Variants in BDNF observed in about 807,000 individuals in gnomAD.
BDNF encodes neurotrophic factor BDNF precursor form.
A neutral mutation model predicts 19.5 loss-of-function variants in BDNF; 1 was observed. The observed-to-expected ratio is 0.05, with a 90% CI of 0.02 to 0.24. BDNF has a LOEUF of 0.24. Among genes scored for constraint, BDNF ranks in the 10% least tolerant of loss-of-function variants. The pLI is 1.00. For missense variants in BDNF, 195 were observed against 317.6 expected, an observed-to-expected ratio of 0.61 and a Z score of 2.93; for synonymous variants, 100 against 121.6, an observed-to-expected ratio of 0.82 and a Z score of 1.17.
chr11:27,721,713 T>G, exon 1 of BDNF: 1 of 507,438 alleles, frequency 2.0e-6, no homozygotes, highest in Admixed American at 3.3e-5. Context: ...AGTTCTTACG[T>G]GATTCTAATG....
At chr11:27,674,158 C>T (rs1227278311) in intron 1 of BDNF, 2 of 1,611,272 alleles carry the variant, frequency 1.2e-6, no homozygotes, top group Non-Finnish European at 8.5e-7. Flanking sequence ...TCATGCCATA[C>T]AGAAGCGTGT....
At chr11:27,707,467 T>C (rs180853693) in intron 1 of BDNF, among the ~76,000 whole-genome samples, 5 of 152,316 alleles carry the variant, frequency 3.3e-5, no homozygotes, top group Admixed American at 3.3e-4. Context: ...AGGAGAATGT[T>C]TACTTCCTCT....
At chr11:27,668,329 AT>A (rs1240890646) in intron 1 of BDNF, among the ~76,000 whole-genome samples, 2 of 152,232 alleles carry the variant, frequency 1.3e-5, no homozygotes, top group African/African-American at 4.8e-5. Flanking sequence ...AAGATCTAAA[AT>A]TGACACCCTA....
intron 1 of BDNF, among the ~76,000 whole-genome samples, chr11:27,690,279 T>C (rs1278057732): frequency 6.6e-6 from 1 of 152,154 alleles, no homozygotes; most frequent in Non-Finnish European, 1.5e-5. Context: ...TCAATGCAAG[T>C]GAATATACAC....
chr11:27,673,941 T>C, intron 1 of BDNF: 1 of 1,209,496 alleles, frequency 8.3e-7, no homozygotes, highest in Non-Finnish European at 1.1e-6. Flanking sequence ...TGGAAGAAAC[T>C]GGAAAGGTAA....
rs1852548986 is a variant in BDNF, at chr11:27,656,406, G to A, written c.*1415C>T. ...AACCTCTTGAGCACAGTTAGATAAT[G>A]TAGGCACTTAAAGCACGAGGTCCAA... On this transcript the variant is annotated 3_prime_UTR_variant, in exon 2 of 2. Coordinates refer to ENST00000356660, the MANE Select transcript of BDNF (RefSeq NM_001709.5). 2 of 387,964 alleles carry A rather than the reference G, an allele frequency of 5.2e-6. No individual in the cohort carries two copies. The highest frequency in any genetic ancestry group is 7.0e-6 in the Non-Finnish European group (2 of 283,788). 24.0% of individuals were successfully genotyped at this position (387,964 alleles called of 1,614,324 possible).
chr11:27,699,461 A>G, intron 1 of BDNF: 1 of 1,614,092 alleles, frequency 6.2e-7, no homozygotes, highest in Non-Finnish European at 8.5e-7. Context: ...CCACTCCCCG[A>G]AAGTCAAAAC....
At chr11:27,660,168 G>A in intron 1 of BDNF, 1 of 1,172,192 alleles carries the variant, frequency 8.5e-7, no homozygotes, top group Non-Finnish European at 1.1e-6. Flanking sequence ...CCAGTCAATA[G>A]GTCAGAATGC....
In BDNF at chr11:27,694,888, C is replaced by T. The variant is rs530144918; in HGVS notation, c.-22+5276G>A. On this transcript the variant is annotated intron_variant, in intron 1 of 1. Coordinates refer to ENST00000356660, the MANE Select transcript of BDNF (RefSeq NM_001709.5). ...AATAAATAAAATCAGAACCTTTATACTCAATGGTTCGGTTTGGTACATATC... is the reference window on the plus strand; with the variant it reads ...AATAAATAAAATCAGAACCTTTATATTCAATGGTTCGGTTTGGTACATATC... 9.2e-5 allele frequency among the ~76,000 whole-genome samples: 14 copies of T among 152,206 alleles called. No homozygotes were observed. The South Asian group carries it at 2.3e-3, about 25-fold the overall frequency.
intron 1 of BDNF, among the ~76,000 whole-genome samples, chr11:27,716,456 G>GACACACACACACACACAC (rs61227267): frequency 6.8e-6 from 1 of 146,930 alleles, no homozygotes; most frequent in East Asian, 2.0e-4. Flanking sequence ...CACACACACA[G>GACACACACACACACACAC]ACACACACAC....
At chr11:27,701,033 G>T (rs758374320), upstream of BDNF, 16 of 1,359,188 alleles carry the variant, frequency 1.2e-5, no homozygotes, top group Non-Finnish European at 1.5e-5. Context: ...ATCGCACAGA[G>T]CATGGGGGCT....
rs1365845608 is a variant in BDNF, at chr11:27,664,369, T to G, written c.-21-5784A>C. Among the ~76,000 whole-genome samples, 3 of 151,810 alleles carry G rather than the reference T, an allele frequency of 2.0e-5. No homozygotes were observed. In the East Asian group the frequency reaches 5.8e-4, roughly 29 times the overall value. ...CTTACCTCCCTCCCTAGGAGGGAGG[T>G]AGGACATACGTAACTAGAATATAAA... is the stretch of plus-strand genomic sequence containing the variant. On this transcript the variant is annotated intron_variant, in intron 1 of 1. Coordinates refer to ENST00000356660, the MANE Select transcript of BDNF (RefSeq NM_001709.5).
At chr11:27,685,992 G>C (rs950915629) in intron 1 of BDNF, among the ~76,000 whole-genome samples, 5 of 152,266 alleles carry the variant, frequency 3.3e-5, no homozygotes, top group African/African-American at 9.6e-5. Context: ...ATTGACATTG[G>C]GGTGTTAAAG....
At chr11:27,684,385 G>C (rs532709754) in intron 1 of BDNF, among the ~76,000 whole-genome samples, 12 of 152,164 alleles carry the variant, frequency 7.9e-5, no homozygotes, top group African/African-American at 2.2e-4. Context: ...ATTTGAATAT[G>C]CTTTATTTCT....
At chr11:27,700,649 C>G (rs915712536), upstream of BDNF, 17 of 1,003,186 alleles carry the variant, frequency 1.7e-5, no homozygotes, top group African/African-American at 7.0e-5. Context: ...GCCCGGAACT[C>G]CCCGCTCCCC....
At chr11:27,688,739 C>T (rs1590392602) in intron 1 of BDNF, among the ~76,000 whole-genome samples, 1 of 152,160 alleles carries the variant, frequency 6.6e-6, no homozygotes, top group African/African-American at 2.4e-5. Flanking sequence ...ATGGGCTGCA[C>T]CCACTGTCTA....
At chr11:27,698,901 C>A (rs1291821047) in intron 1 of BDNF, among the ~76,000 whole-genome samples, 1 of 152,066 alleles carries the variant, frequency 6.6e-6, no homozygotes, top group African/African-American at 2.4e-5. Context: ...CACCGCCAAT[C>A]GAGGCTTATC....
chr11:27,659,406 C>A (rs1799406863), intron 1 of BDNF: 1 of 1,000,194 alleles, frequency 1.0e-6, no homozygotes, highest in Admixed American at 6.1e-5. Flanking sequence ...AATGATGTGT[C>A]TATGCCTGGG....
chr11:27,658,285 C>A lies in BDNF; in HGVS notation c.280G>T (p.Val94Leu), dbSNP rs893924483. The A allele has an allele frequency of 6.2e-7, 1 of 1,614,060 alleles. No homozygotes were observed. Among genetic ancestry groups the A allele is most frequent in the Non-Finnish European group, 8.5e-7 (1 of 1,180,030 alleles). ...AAAGGCACTTGACTACTGAGCATCA[C>A]CCTGGACGTGTACAAGTCTGCGTCC... ...NKDADLYTSR[V>L]MLSSQVPLEP... is the part of the protein sequence containing the mutation. The change falls in exon 2 of 2, where the codon GTG becomes TTG. Residue 94 changes from valine to leucine, a missense_variant. Physicochemically the swap from Val to Leu is conservative, Grantham distance 32. Coordinates refer to ENST00000356660, the MANE Select transcript of BDNF (RefSeq NM_001709.5). This position sits in a 1 kb window ranked among gnomAD's most constrained non-coding sequence, Gnocchi z 5.7.
Sources: gnomAD v4.1 joint callset for allele counts (sites outside exome capture counted in the v4.1 genomes callset) on GRCh38, gnomAD v4.1.1 for gene constraint, Gnocchi (gnomAD v3.1) non-coding constraint, MANE v1.5 for transcripts, NCBI Gene and HGNC (gene_info 2026-07-23, HGNC 2026-07-21) for gene names.